ACOT11: variants seen among roughly 807,000 people sequenced by gnomAD.
The protein encoded by ACOT11 is acyl-CoA thioesterase 11.
ACOT11 carries 69 observed loss-of-function variants against 77.5 expected under a neutral mutation model. That is an observed-to-expected ratio of 0.89 (90% CI 0.73 to 1.09). ACOT11 has a LOEUF of 1.09. ACOT11 is among the 50% of genes least tolerant of loss of function. The pLI is 0.00. For synonymous variants in ACOT11, 279 were observed against 313.0 expected, an observed-to-expected ratio of 0.89 and a Z score of 1.15; for missense variants, 766 against 813.7, an observed-to-expected ratio of 0.94 and a Z score of 0.71.
chr1:54,579,750 G>C (rs1654238346), intron 1 of ACOT11, among the ~76,000 whole-genome samples: 1 of 152,326 alleles, frequency 6.6e-6, no homozygotes, highest in South Asian at 2.1e-4. Context: ...GCGGGAGAGT[G>C]GGAGGAACAG....
chr1:54,605,305 C>T, intron 13 of ACOT11, 96 bp downstream of exon 13: 1 of 1,482,910 alleles, frequency 6.7e-7, no homozygotes, highest in South Asian at 1.3e-5. Flanking sequence ...TGATGCTCTG[C>T]CCTGCTGGGG....
intron 3 of ACOT11, among the ~76,000 whole-genome samples, chr1:54,588,908 G>A (rs1043717488): frequency 6.6e-6 from 1 of 152,136 alleles, no homozygotes; most frequent in Non-Finnish European, 1.5e-5. Flanking sequence ...TGGTGGCCAG[G>A]GAAGGCCTGG....
chr1:54,583,113 C>T (rs545176512), intron 1 of ACOT11, among the ~76,000 whole-genome samples: 10 of 152,224 alleles, frequency 6.6e-5, no homozygotes, highest in Admixed American at 3.3e-4. Context: ...TGGACAACAT[C>T]GGCCTTCCAG....
intron 3 of ACOT11, among the ~76,000 whole-genome samples, chr1:54,591,750 T>C (rs888494522): frequency 3.9e-5 from 6 of 152,144 alleles, no homozygotes; most frequent in African/African-American, 1.4e-4. Flanking sequence ...AGGCTGCAGC[T>C]GGGAAAAGAG....
chr1:54,630,991 C>G (rs1644296758), intron 16 of ACOT11: 1 of 522,670 alleles, frequency 1.9e-6, no homozygotes, highest in African/African-American at 1.9e-5. Flanking sequence ...CGAGGAGGAA[C>G]AACAGTATAG....
At chr1:54,602,557 G>T (rs925279619) in intron 9 of ACOT11, 112 bp from the exon 10 acceptor site, 1 of 1,038,150 alleles carries the variant, frequency 9.6e-7, no homozygotes, top group South Asian at 2.6e-5. Context: ...CTGCCCCAGC[G>T]ACACCTGAAC....
At position 54,607,942 on chromosome 1, in the gene ACOT11, G is replaced by T; in HGVS notation, c.1503G>T (p.Gly501=). The change falls in exon 15 of 16, where the codon GGG becomes GGT. Residue 501 remains glycine, a splice_region_variant and synonymous_variant. Transcript: ENST00000343744. The surrounding 1 kb of genome is among the most constrained non-coding windows in gnomAD (Gnocchi z 4.5). The stretch of plus-strand genomic sequence containing the variant: ...CCCTTGCTACCCTTCCTTCACTCAG[G>T]GACCCCTATGTCATCGCGCTGAGGT... The part of the protein sequence containing the change: ...LASRRKPCDN[G]DPYVIALRSV... 1.2e-6 allele frequency: 2 copies of T among 1,613,708 alleles called. No individual in the cohort carries two copies.
rs1644075406 is a variant in ACOT11, at chr1:54,609,055, T to C, written c.1728T>C (p.Cys576=). ...AGTTCTACACCACCTTCAAGGCTTG[T>C]GAGCAGTTTCTCTTGGACAACCGGA... The part of the protein sequence containing the change: ...SSEFYTTFKA[C]EQFLLDNRND... The change falls in exon 16 of 16, where the codon TGT becomes TGC. Residue 576 remains cysteine, a synonymous_variant. Coordinates refer to ENST00000343744, the MANE Select transcript of ACOT11 (RefSeq NM_147161.4). 1 of 1,614,116 alleles carries C rather than the reference T, an allele frequency of 6.2e-7. No homozygotes were observed. Among genetic ancestry groups the C allele is most frequent in the Non-Finnish European group, 8.5e-7 (1 of 1,180,004 alleles).
In ACOT11 at chr1:54,605,282, G is replaced by C. The variant is rs937247071; in HGVS notation, c.1370+73G>C. Reference sequence around the variant, plus strand: ...TGAGGGAGAGAGTGTCTCCTTCTGCGGGTCATCCTCCATGATGCTCTGCCC... The same window carrying C: ...TGAGGGAGAGAGTGTCTCCTTCTGCCGGTCATCCTCCATGATGCTCTGCCC... On this transcript the variant is annotated intron_variant, in intron 13 of 15. Coordinates refer to ENST00000343744, the MANE Select transcript of ACOT11 (RefSeq NM_147161.4). 2.6e-6 allele frequency: 4 copies of C among 1,544,582 alleles called. No homozygotes were observed. In the Admixed American group the frequency reaches 5.5e-5, roughly 21 times the overall value.
chr1:54,567,980 C>T (rs997929395), intron 1 of ACOT11, among the ~76,000 whole-genome samples: 31 of 152,218 alleles, frequency 2.0e-4, no homozygotes, highest in African/African-American at 7.0e-4. Flanking sequence ...AATCCAAGCT[C>T]CACTGGGACA....
Position 54,634,782 on chromosome 1 carries a change from A to T in ACOT11, c.*53A>T, listed in dbSNP as rs900332211. ...AAGAGACTCTGGGAGGATCCAGAGG[A>T]CCCCCTGGTTGCAGCCACGTAGAGA... On this transcript the variant is annotated 3_prime_UTR_variant, in exon 17 of 17. Transcript: ENST00000371316. 4.3e-6 allele frequency: 3 copies of T among 697,780 alleles called. No individual in the cohort carries two copies. The African/African-American group carries it at 5.3e-5, about 12-fold the overall frequency. The allele number at this position is 697,780 out of a possible 1,614,324, so 43.2% of individuals were successfully genotyped here.
chr1:54,601,409 C>G lies in ACOT11; in HGVS notation c.1025C>G (p.Pro342Arg), dbSNP rs370417244. 2.4e-4 allele frequency: 381 copies of G among 1,612,010 alleles called. 3 individuals are homozygous for G. In the South Asian group the frequency reaches 3.3e-3, roughly 14 times the overall value. The part of the protein sequence containing the change: ...PQLLPWIRPQ[P>R]GDGERRYREA... ...TTGCTGCCCTGGATTCGGCCCCAGC[C>G]CGGCGTAAGTGGGACCAGCGCCCTG... The change falls in exon 9 of 16, where the codon CCC becomes CGC. Residue 342 changes from proline to arginine, a missense_variant. Pro to Arg is a moderately radical substitution (Grantham distance 103, BLOSUM62 -2). Transcript: ENST00000343744.
At chr1:54,555,431 T>C (rs1374825130) in intron 1 of ACOT11, among the ~76,000 whole-genome samples, 1 of 152,222 alleles carries the variant, frequency 6.6e-6, no homozygotes, top group Non-Finnish European at 1.5e-5. Context: ...CATTTTAATT[T>C]TTTTTTCTAT....
downstream of ACOT11, chr1:54,614,962 G>GCGTGTGCA (rs377035598): frequency 3.2e-5 from 37 of 1,164,970 alleles, 1 homozygote; most frequent in Middle Eastern, 2.1e-4. Context: ...GTGCATGTGC[G>GCGTGTGCA]TGCACAGTGG....
rs759149149 is a variant in ACOT11 at position 54,607,996 on chromosome 1, G to T, written c.1557G>T (p.Thr519=). The T allele has an allele frequency of 1.2e-6, 2 of 1,613,786 alleles. No individual in the cohort carries two copies. The highest frequency in any genetic ancestry group is 2.2e-5 in the South Asian group (2 of 91,058). The stretch of plus-strand genomic sequence containing the variant: ...TCACGCTGCCCACACACCGAGAGAC[G>T]CCAGAGTACAGACGCGGAGAGACCC... The part of the protein sequence containing the change: ...RSVTLPTHRE[T]PEYRRGETLC... The change falls in exon 15 of 16, where the codon ACG becomes ACT. Residue 519 remains threonine (T), a synonymous_variant. Coordinates refer to ENST00000343744, the MANE Select transcript of ACOT11 (RefSeq NM_147161.4). The surrounding 1 kb of genome is among the most constrained non-coding windows in gnomAD (Gnocchi z 4.5).
intron 1 of ACOT11, among the ~76,000 whole-genome samples, chr1:54,561,097 T>G (rs78615033): frequency 0.073 from 10,884 of 149,624 alleles, 543 homozygotes; most frequent in African/African-American, 0.15. Context: ...TTTTATTTTT[T>G]TTTATTTTTT....
chr1:54,621,478 A>G (rs1349098358), intron 15 of ACOT11: 2 of 152,126 alleles, frequency 1.3e-5, no homozygotes, highest in Admixed American at 6.6e-5. Flanking sequence ...ATAAATAAAT[A>G]AAATTTTAAA....
At position 54,608,946 on chromosome 1, in the gene ACOT11, C is replaced by T. The variant is rs768362446; in HGVS notation, c.1630-11C>T. ...GCTTGGTCCCCCTGAGCTTGGCTTC[C>T]CACCCTGCAGGTATCCTACTACAAC... On this transcript the variant is annotated splice_polypyrimidine_tract_variant and intron_variant, in intron 15 of 15. Coordinates refer to ENST00000343744, the MANE Select transcript of ACOT11 (RefSeq NM_147161.4). 6.2e-7 allele frequency: 1 copy of T among 1,613,666 alleles called. No individual in the cohort carries two copies. Among genetic ancestry groups the T allele is most frequent in the East Asian group, 2.2e-5 (1 of 44,864 alleles).
rs1379154169 is a variant in ACOT11, at chr1:54,592,470, C to T, written c.312-76C>T. On this transcript the variant is annotated intron_variant, in intron 3 of 15. Coordinates refer to ENST00000343744, the MANE Select transcript of ACOT11 (RefSeq NM_147161.4). ...TCCTGCCAGCTCCCCGCAAGAGAGG[C>T]TCTGCAAGTATCTGAGGCCCCTGTT... is the stretch of plus-strand genomic sequence containing the variant. The T allele has an allele frequency of 4.3e-6, 6 of 1,395,578 alleles. No individual in the cohort carries two copies. In the East Asian group the frequency reaches 7.2e-5, roughly 17 times the overall value. 86.4% of individuals were successfully genotyped at this position (1,395,578 alleles called of 1,614,324 possible).
Sources: allele counts gnomAD v4.1 joint callset (sites outside exome capture counted in the v4.1 genomes callset), GRCh38; gene constraint gnomAD v4.1.1; non-coding constraint Gnocchi (gnomAD v3.1); transcripts MANE v1.5; gene names NCBI Gene and HGNC (gene_info 2026-07-23, HGNC 2026-07-21).